GRIN2A: variants seen among roughly 807,000 people sequenced by gnomAD.
GRIN2A encodes glutamate receptor ionotropic, NMDA 2A.
Under a neutral mutation model 113.4 loss-of-function variants are expected in GRIN2A, and 22 were observed. The observed-to-expected ratio is 0.19, with a 90% CI of 0.14 to 0.28. GRIN2A has a LOEUF of 0.28. Among genes scored for constraint, GRIN2A ranks in the 10% least tolerant of loss-of-function variants. GRIN2A has a pLI of 1.00. For synonymous variants in GRIN2A, 827 were observed against 738.4 expected (o/e 1.12, Z -1.94); for missense variants, 1,502 against 1,887.0 (o/e 0.80, Z 3.78).
intron 3 of GRIN2A, among the ~76,000 whole-genome samples, chr16:9,915,050 C>T (rs929442984): frequency 5.3e-5 from 8 of 149,746 alleles, no homozygotes; most frequent in Non-Finnish European, 1.2e-4. Flanking sequence ...CATTCTCCTG[C>T]CTCAGCCTCC....
At chr16:10,089,026 T>A (rs995815780) in intron 2 of GRIN2A, among the ~76,000 whole-genome samples, 38 of 152,350 alleles carry the variant, frequency 2.5e-4, no homozygotes, top group Admixed American at 2.3e-3. Context: ...TCAGTTTTTT[T>A]ATCTAAAAAA....
chr16:9,923,728 A>C (rs983525342), intron 3 of GRIN2A, among the ~76,000 whole-genome samples: 1 of 152,120 alleles, frequency 6.6e-6, no homozygotes, highest in Non-Finnish European at 1.5e-5. Context: ...TCTTTGTGCT[A>C]TTGTTGTCAT....
chr16:10,108,143 G>T (rs950825581), intron 2 of GRIN2A, among the ~76,000 whole-genome samples: 1 of 152,140 alleles, frequency 6.6e-6, no homozygotes, highest in African/African-American at 2.4e-5. Flanking sequence ...ACTGAAACTG[G>T]GAAGAAAAAG....
At chr16:9,916,664 C>A (rs2044257100) in intron 3 of GRIN2A, among the ~76,000 whole-genome samples, 1 of 152,178 alleles carries the variant, frequency 6.6e-6, no homozygotes, top group Non-Finnish European at 1.5e-5. Context: ...CGGTCCACTC[C>A]TAGCTCTTTT....
chr16:9,896,969 A>T (rs530922875), intron 3 of GRIN2A, among the ~76,000 whole-genome samples: 2 of 152,224 alleles, frequency 1.3e-5, no homozygotes, highest in African/African-American at 4.8e-5. Flanking sequence ...AATTGATCAT[A>T]AAGCTTTAGT....
intron 3 of GRIN2A, among the ~76,000 whole-genome samples, chr16:9,931,229 A>G (rs1255180465): frequency 6.6e-6 from 1 of 152,208 alleles, no homozygotes; most frequent in Non-Finnish European, 1.5e-5. Context: ...GTAATTAAAG[A>G]ATAGAACTGA....
rs1419600530 is a variant in GRIN2A, at chr16:9,798,330, C to T, written c.2303G>A (p.Gly768Asp). Residue 768 changes from glycine (G) to aspartate (D), a missense_variant, in exon 11 of 13, where the codon GGC becomes GAC. Around this residue, in one of 7 missense-constraint regions of GRIN2A, gnomAD observed 101 missense variants for 240.4 expected, o/e 0.42. Coordinates refer to ENST00000330684, the MANE Select transcript of GRIN2A (RefSeq NM_001134407.3). The part of the protein sequence containing the change: ...TTGYGIALQK[G>D]SPWKRQIDLA... ...GTCGATCTGCCTCTTCCAAGGAGAG[C>T]CTTTCTGAAGGGCAATTCCATAACC... 6.2e-7 allele frequency: 1 copy of T among 1,614,096 alleles called. No homozygotes were observed. The highest frequency in any genetic ancestry group is 1.3e-5 in the African/African-American group (1 of 75,032).
At chr16:10,034,113 G>T (rs867566766) in intron 2 of GRIN2A, among the ~76,000 whole-genome samples, 7 of 152,124 alleles carry the variant, frequency 4.6e-5, no homozygotes, top group African/African-American at 1.7e-4. Context: ...AACTGAGATT[G>T]GCAGTGTGAA....
chr16:9,943,344 G>A (rs182135920), intron 2 of GRIN2A: 1 of 152,394 alleles, frequency 6.6e-6, no homozygotes, highest in Non-Finnish European at 1.5e-5. Flanking sequence ...GAGGGAGGCA[G>A]GAGGGTGTGG....
At chr16:10,000,434 T>C (rs968685451) in intron 2 of GRIN2A, among the ~76,000 whole-genome samples, 1 of 152,172 alleles carries the variant, frequency 6.6e-6, no homozygotes, top group Non-Finnish European at 1.5e-5. Context: ...TAAAAACCTA[T>C]ACCCTCATTC....
intron 2 of GRIN2A, among the ~76,000 whole-genome samples, chr16:10,048,243 T>C (rs1275054741): frequency 6.6e-6 from 1 of 152,230 alleles, no homozygotes; most frequent in East Asian, 1.9e-4. Context: ...AATGAGTTAA[T>C]ATTTGTCTAA....
At chr16:9,937,613 G>A (rs1444212546) in intron 3 of GRIN2A, 4 of 342,320 alleles carry the variant, frequency 1.2e-5, no homozygotes, top group African/African-American at 6.4e-5. Context: ...AGGGCTATGA[G>A]GTTAGACTTA....
rs886052554 is a variant in GRIN2A at position 9,763,551 on chromosome 16, G to C, written c.3993C>G (p.Val1331=). The C allele has an allele frequency of 1.2e-6, 2 of 1,613,974 alleles. No individual in the cohort carries two copies. The highest frequency in any genetic ancestry group is 4.5e-5 in the East Asian group (2 of 44,868). ...EGNFYGSLFS[V]PSSKLSGKKS... ...TTTTCCCCGAGAGTTTGCTTGAGGGGACACTAAACAGGCTGCCGTAAAAAT... is the reference window on the plus strand; with the variant it reads ...TTTTCCCCGAGAGTTTGCTTGAGGGCACACTAAACAGGCTGCCGTAAAAAT... The change falls in exon 13 of 13, where the codon GTC becomes GTG. Residue 1331 remains valine (V), a synonymous_variant. Transcript: ENST00000330684.
intron 2 of GRIN2A, among the ~76,000 whole-genome samples, chr16:9,960,682 T>G (rs2045420829): frequency 1.3e-5 from 2 of 152,200 alleles, no homozygotes; most frequent in African/African-American, 2.4e-5. Flanking sequence ...TGGAGTGCAA[T>G]GGCATGATCT....
intron 2 of GRIN2A, among the ~76,000 whole-genome samples, chr16:9,978,388 C>T (rs1209186553): frequency 6.6e-6 from 1 of 152,188 alleles, no homozygotes; most frequent in Admixed American, 6.5e-5. Context: ...TGATAATTCC[C>T]AGCCTTGCTG....
intron 2 of GRIN2A, among the ~76,000 whole-genome samples, chr16:10,149,683 G>A (rs959212680): frequency 6.6e-6 from 1 of 152,094 alleles, no homozygotes; most frequent in African/African-American, 2.4e-5. Flanking sequence ...ATCCTGTCCT[G>A]TCTCCACCTG....
chr16:10,089,572 G>A (rs1362312074), intron 2 of GRIN2A, among the ~76,000 whole-genome samples: 4 of 152,140 alleles, frequency 2.6e-5, no homozygotes, highest in African/African-American at 9.6e-5. Flanking sequence ...TAAGAATTAT[G>A]AGAGAGTTTG....
chr16:10,087,147 A>G (rs2048100608), intron 2 of GRIN2A, among the ~76,000 whole-genome samples: 1 of 152,236 alleles, frequency 6.6e-6, no homozygotes, highest in African/African-American at 2.4e-5. Flanking sequence ...ATAAATACAC[A>G]GCACTGGGGA....
chr16:10,038,411 A>C (rs1427648484), intron 2 of GRIN2A, among the ~76,000 whole-genome samples: 1 of 152,032 alleles, frequency 6.6e-6, no homozygotes, highest in Non-Finnish European at 1.5e-5. Context: ...CAGCACTGCG[A>C]ACATTTGGGG....
Sources: gnomAD v4.1 joint callset for allele counts (sites outside exome capture counted in the v4.1 genomes callset) on GRCh38, gnomAD v4.1.1 for gene constraint, gnomAD v4.1.1 regional missense constraint, MANE v1.5 for transcripts, NCBI Gene and HGNC (gene_info 2026-07-23, HGNC 2026-07-21) for gene names.